CAMTA1: variants seen among roughly 807,000 people sequenced by gnomAD.
The protein encoded by CAMTA1 is calmodulin-binding transcription activator 1.
Under a neutral mutation model 170.9 loss-of-function variants are expected in CAMTA1, and 27 were observed. That is an observed-to-expected ratio of 0.16 (90% confidence interval 0.12 to 0.22). CAMTA1 has a LOEUF of 0.22. Ranked by LOEUF, CAMTA1 falls within the 10% of genes least tolerant of loss-of-function variation. The probability of loss-of-function intolerance (pLI) is 1.00; values close to 1 mark genes in which losing one functional copy is unlikely to be tolerated. For synonymous variants in CAMTA1, 833 were observed against 891.5 expected (o/e 0.93, Z 1.17); for missense variants, 1,619 against 2,217.2 (o/e 0.73, Z 5.42).
At chr1:7,178,767 C>T (rs1054562303) in intron 4 of CAMTA1, among the ~76,000 whole-genome samples, 1 of 152,170 alleles carries the variant, frequency 6.6e-6, no homozygotes, top group Non-Finnish European at 1.5e-5. Context: ...AGAATGAAGC[C>T]CTCCTCAGCC....
rs1315257953 is a variant in CAMTA1 at position 7,455,575 on chromosome 1, C to T, written c.439-12255C>T. Reference sequence around the variant, plus strand: ...GCTTCATAAGCAAAACCCTGTTGTCCGTTTTAAGCAAGAATCCCTGCCCAG... The same window carrying T: ...GCTTCATAAGCAAAACCCTGTTGTCTGTTTTAAGCAAGAATCCCTGCCCAG... On this transcript the variant is annotated intron_variant, in intron 5 of 22. Transcript: ENST00000303635. This position sits in a 1 kb window ranked among gnomAD's most constrained non-coding sequence, Gnocchi z 5.0. Among the ~76,000 whole-genome samples, 4 of 152,198 alleles carry T rather than the reference C, an allele frequency of 2.6e-5. No homozygotes were observed. The highest frequency in any genetic ancestry group is 1.3e-4 in the Admixed American group (2 of 15,278).
rs1254810662 is a variant in CAMTA1, at chr1:6,923,869, A to G, written c.234+98659A>G. ...CTCTCTGAATCCCCTAGACCTGCCAATTTGGTGGATAATTGTTTTCTATCA... is the reference window on the plus strand; with the variant it reads ...CTCTCTGAATCCCCTAGACCTGCCAGTTTGGTGGATAATTGTTTTCTATCA... On this transcript the variant is annotated intron_variant, in intron 3 of 22. Transcript: ENST00000303635. Among the ~76,000 whole-genome samples the G allele has an allele frequency of 4.6e-5, 7 of 152,208 alleles. No individual in the cohort carries two copies. In the East Asian group the frequency reaches 1.2e-3, roughly 25 times the overall value.
chr1:6,823,672 G>A (rs1270333928), intron 2 of CAMTA1, among the ~76,000 whole-genome samples: 2 of 152,068 alleles, frequency 1.3e-5, no homozygotes, highest in Non-Finnish European at 2.9e-5. Flanking sequence ...GAGAAGAAGT[G>A]TGTTAATCAG....
At chr1:7,446,711 C>T (rs1224629229) in intron 5 of CAMTA1, among the ~76,000 whole-genome samples, 9 of 152,202 alleles carry the variant, frequency 5.9e-5, no homozygotes, top group Admixed American at 5.9e-4. Flanking sequence ...TAGGCCATCC[C>T]AACACTGGCC....
chr1:6,920,920 G>C (rs1432588472), intron 3 of CAMTA1, among the ~76,000 whole-genome samples: 2 of 152,238 alleles, frequency 1.3e-5, no homozygotes, highest in Non-Finnish European at 2.9e-5. Flanking sequence ...CTCTGGGCCT[G>C]TGATGGAAGA....
At chr1:7,601,640 G>T (rs1027073876) in intron 6 of CAMTA1, among the ~76,000 whole-genome samples, 1 of 152,230 alleles carries the variant, frequency 6.6e-6, no homozygotes, top group Non-Finnish European at 1.5e-5. Flanking sequence ...CTGCACTCCA[G>T]CCTGGGCACC....
intron 3 of CAMTA1, among the ~76,000 whole-genome samples, chr1:6,888,407 T>C (rs1215592426): frequency 6.6e-6 from 1 of 152,316 alleles, no homozygotes; most frequent in South Asian, 2.1e-4. Context: ...ACAGACTTAC[T>C]ATATGTGATG....
At chr1:7,548,966 G>GCA (rs2094755719) in intron 6 of CAMTA1, among the ~76,000 whole-genome samples, 2 of 139,206 alleles carry the variant, frequency 1.4e-5, no homozygotes, top group African/African-American at 2.7e-5. Context: ...GGGTGGAGAT[G>GCA]CCCATGGAAG....
chr1:7,391,882 T>G (rs2088758940), intron 5 of CAMTA1, among the ~76,000 whole-genome samples: 1 of 152,202 alleles, frequency 6.6e-6, no homozygotes, highest in Non-Finnish European at 1.5e-5. Context: ...ATGGTGTGGA[T>G]ATACAGCAAT....
intron 3 of CAMTA1, among the ~76,000 whole-genome samples, chr1:6,942,470 C>A (rs1031552910): frequency 1.3e-5 from 2 of 151,910 alleles, no homozygotes; most frequent in African/African-American, 4.8e-5. Flanking sequence ...GCAGCCTGGG[C>A]AACATAGTGA....
rs970374347 is a variant in CAMTA1, at chr1:7,014,504, G to C, written c.235-76800G>C. On this transcript the variant is annotated intron_variant, in intron 3 of 22. Coordinates refer to ENST00000303635, the MANE Select transcript of CAMTA1 (RefSeq NM_015215.4). The surrounding 1 kb of genome is among the most constrained non-coding windows in gnomAD (Gnocchi z 4.2). The stretch of plus-strand genomic sequence containing the variant: ...CAGCCTGCCCCATTAGACAGGGCAT[G>C]GTGAGGCGAATGGCTGCAGGGACTG... Among the ~76,000 whole-genome samples, 1 of 152,184 alleles carries C rather than the reference G, an allele frequency of 6.6e-6. No individual in the cohort carries two copies. The highest frequency in any genetic ancestry group is 2.4e-5 in the African/African-American group (1 of 41,434).
chr1:7,438,863 T>G (rs1223798289), intron 5 of CAMTA1, among the ~76,000 whole-genome samples: 1 of 152,178 alleles, frequency 6.6e-6, no homozygotes, highest in African/African-American at 2.4e-5. Flanking sequence ...CAGCCTCAGC[T>G]TCCTCATCTG....
At chr1:7,252,915 G>T (rs1168401835) in intron 5 of CAMTA1, among the ~76,000 whole-genome samples, 4 of 152,134 alleles carry the variant, frequency 2.6e-5, no homozygotes, top group African/African-American at 9.7e-5. Flanking sequence ...CAGAGGCTGG[G>T]GCCCTCTCTA....
intron 5 of CAMTA1, among the ~76,000 whole-genome samples, chr1:7,284,902 GA>G (rs1672139105): frequency 6.6e-6 from 1 of 152,190 alleles, no homozygotes; most frequent in Admixed American, 6.5e-5. Context: ...AGAATCCACA[GA>G]ACTCGTGCAA....
chr1:7,648,114 C>T (rs555768048), intron 7 of CAMTA1, among the ~76,000 whole-genome samples: 2 of 152,170 alleles, frequency 1.3e-5, no homozygotes, highest in South Asian at 2.1e-4. Flanking sequence ...GAGAAGAGGG[C>T]TGGACATGGT....
chr1:7,735,203 A>T (rs568073798), intron 12 of CAMTA1, among the ~76,000 whole-genome samples: 4 of 152,306 alleles, frequency 2.6e-5, no homozygotes, highest in Admixed American at 2.6e-4. Flanking sequence ...ATTCTCCTTC[A>T]GAAGAAGCAA....
intron 4 of CAMTA1, among the ~76,000 whole-genome samples, chr1:7,115,604 G>A (rs1644287259): frequency 8.0e-6 from 1 of 124,294 alleles, no homozygotes; most frequent in Non-Finnish European, 1.7e-5. Context: ...TGAGACCCAG[G>A]AGAGCTGATG....
intron 6 of CAMTA1, among the ~76,000 whole-genome samples, chr1:7,500,865 G>A (rs1007618929): frequency 6.6e-6 from 1 of 152,086 alleles, no homozygotes. Flanking sequence ...GCTTGTGGCC[G>A]CTGTCAAGCC....
intron 5 of CAMTA1, among the ~76,000 whole-genome samples, chr1:7,319,792 G>A (rs542048198): frequency 3.3e-5 from 5 of 152,288 alleles, no homozygotes; most frequent in African/African-American, 1.2e-4. Flanking sequence ...AAAACAAAGC[G>A]TAAAGTTTGT....
Sources: gnomAD v4.1 joint callset for allele counts (sites outside exome capture counted in the v4.1 genomes callset) on GRCh38, gnomAD v4.1.1 for gene constraint, Gnocchi (gnomAD v3.1) non-coding constraint, MANE v1.5 for transcripts, NCBI Gene and HGNC (gene_info 2026-07-23, HGNC 2026-07-21) for gene names.